RYR3: variants seen among roughly 807,000 people sequenced by gnomAD.
RYR3 encodes the protein brain ryanodine receptor-calcium release channel.
RYR3 carries 207 observed loss-of-function variants against 584.3 expected under a neutral mutation model. That is an observed-to-expected ratio of 0.35 (90% CI 0.32 to 0.40). RYR3 has a LOEUF of 0.40. Ranked by LOEUF, RYR3 falls within the 10% of genes least tolerant of loss-of-function variation. The pLI is 1.00. For missense variants in RYR3, 5,616 were observed against 6,089.2 expected (o/e 0.92, Z 2.59); for synonymous variants, 2,416 against 2,248.5 (o/e 1.07, Z -2.11).
chr15:33,777,542 A>G (rs2074074954), intron 64 of RYR3, among the ~76,000 whole-genome samples: 1 of 151,970 alleles, frequency 6.6e-6, no homozygotes, highest in African/African-American at 2.4e-5. Flanking sequence ...TATTTCTTAT[A>G]AGAAGCTACT....
chr15:33,759,819 G>A (rs144972535), intron 60 of RYR3, among the ~76,000 whole-genome samples: 1 of 152,076 alleles, frequency 6.6e-6, no homozygotes. Flanking sequence ...TCCTTGAGAA[G>A]AGCAACCCCA....
At position 33,659,815 on chromosome 15, in the gene RYR3, T is replaced by G. The variant is rs1402860901; in HGVS notation, c.4395+9T>G. Reference sequence around the variant, plus strand: ...AACTTGGAAAGCTGAAGGTATTTATTTGTCCTCTCATCTAATGGCCATGAC... The same window carrying G: ...AACTTGGAAAGCTGAAGGTATTTATGTGTCCTCTCATCTAATGGCCATGAC... On this transcript the variant is annotated intron_variant, in intron 33 of 103. Transcript: ENST00000634891. The G allele has an allele frequency of 3.8e-6, 6 of 1,577,362 alleles. No homozygotes were observed. The highest frequency in any genetic ancestry group is 4.4e-6 in the Non-Finnish European group (5 of 1,147,168).
At chr15:33,466,169 C>T (rs1303728510) in intron 1 of RYR3, among the ~76,000 whole-genome samples, 4 of 151,936 alleles carry the variant, frequency 2.6e-5, no homozygotes, top group Non-Finnish European at 5.9e-5. Context: ...GCCATGTAAC[C>T]AAATGGAATC....
chr15:33,507,999 C>T (rs2052622670), intron 3 of RYR3, among the ~76,000 whole-genome samples: 1 of 152,116 alleles, frequency 6.6e-6, no homozygotes, highest in Non-Finnish European at 1.5e-5. Flanking sequence ...GAAGGAGAGT[C>T]CTGTGCTACA....
intron 11 of RYR3, among the ~76,000 whole-genome samples, chr15:33,564,628 G>C (rs924590269): frequency 1.3e-5 from 2 of 152,128 alleles, no homozygotes; most frequent in African/African-American, 4.8e-5. Context: ...GGCAATGGCA[G>C]CATTTAAAGA....
chr15:33,430,064 A>C (rs1309010768), intron 1 of RYR3, among the ~76,000 whole-genome samples: 1 of 152,364 alleles, frequency 6.6e-6, no homozygotes, highest in South Asian at 2.1e-4. Context: ...TTTCCAGCCA[A>C]CATCAGCAAA....
intron 1 of RYR3, among the ~76,000 whole-genome samples, chr15:33,314,307 C>T (rs1475147281): frequency 2.6e-5 from 4 of 152,170 alleles, no homozygotes; most frequent in Non-Finnish European, 4.4e-5. Context: ...CTCTTGCTGA[C>T]GTAGCCAGTG....
chr15:33,676,422 A>G (rs561837901), intron 38 of RYR3, among the ~76,000 whole-genome samples: 4 of 152,314 alleles, frequency 2.6e-5, no homozygotes, highest in African/African-American at 9.6e-5. Flanking sequence ...CAGCAGCAAT[A>G]GAAAAGGTGG....
chr15:33,827,169 C>T, intron 84 of RYR3, 30 bp from the exon 85 acceptor site: 1 of 1,542,518 alleles, frequency 6.5e-7, no homozygotes, highest in Non-Finnish European at 8.8e-7. Context: ...ATGGCAGGGA[C>T]AAGCTCTGAC....
intron 38 of RYR3, 67 bp from the exon 39 acceptor site, chr15:33,696,151 G>T: frequency 6.8e-7 from 1 of 1,480,062 alleles, no homozygotes; most frequent in Non-Finnish European, 9.2e-7. Context: ...GCATGAAGTG[G>T]CTGAAACACC....
At chr15:33,382,903 A>C (rs1433868384) in intron 1 of RYR3, among the ~76,000 whole-genome samples, 2 of 151,876 alleles carry the variant, frequency 1.3e-5, no homozygotes, top group Non-Finnish European at 2.9e-5. Flanking sequence ...CTTTGGTAAT[A>C]TTTGAAATTT....
At chr15:33,563,424 G>T (rs1418034920) in intron 11 of RYR3, among the ~76,000 whole-genome samples, 1 of 152,166 alleles carries the variant, frequency 6.6e-6, no homozygotes, top group Non-Finnish European at 1.5e-5. Flanking sequence ...TAACAAGCCC[G>T]CAGGAACCCA....
chr15:33,614,663 G>A (rs1445933695), intron 19 of RYR3, among the ~76,000 whole-genome samples: 1 of 151,846 alleles, frequency 6.6e-6, no homozygotes, highest in Non-Finnish European at 1.5e-5. Context: ...TGGATATACT[G>A]ACTTTATATA....
chr15:33,772,253 G>C, intron 63 of RYR3, 95 bp downstream of exon 63: 1 of 686,054 alleles, frequency 1.5e-6, no homozygotes, highest in African/African-American at 1.8e-5. Flanking sequence ...TGAGGGCAGA[G>C]CAGAGAGAGA....
chr15:33,353,107 C>T (rs1295772850), intron 1 of RYR3, among the ~76,000 whole-genome samples: 3 of 152,116 alleles, frequency 2.0e-5, no homozygotes, highest in Admixed American at 1.3e-4. Context: ...TTCCTCTTCT[C>T]TAAGGTATAT....
intron 43 of RYR3, among the ~76,000 whole-genome samples, chr15:33,708,737 G>A (rs2066891793): frequency 6.6e-6 from 1 of 152,178 alleles, no homozygotes; most frequent in Non-Finnish European, 1.5e-5. Flanking sequence ...TTCTCAGCAA[G>A]GCAAGGTACT....
intron 36 of RYR3, among the ~76,000 whole-genome samples, chr15:33,666,043 C>T (rs2063476999): frequency 6.6e-6 from 1 of 152,152 alleles, no homozygotes; most frequent in South Asian, 2.1e-4. Flanking sequence ...CTCACTCTGT[C>T]ATGCAGGCTG....
chr15:33,863,769 TTA>T (rs1165757391), intron 102 of RYR3, among the ~76,000 whole-genome samples: 1 of 152,226 alleles, frequency 6.6e-6, no homozygotes, highest in Non-Finnish European at 1.5e-5. Context: ...TTCTACATTT[TTA>T]TGAGATGATA....
At chr15:33,331,949 G>A (rs1282969861) in intron 1 of RYR3, among the ~76,000 whole-genome samples, 1 of 151,910 alleles carries the variant, frequency 6.6e-6, no homozygotes, top group Non-Finnish European at 1.5e-5. Flanking sequence ...TTTTATCATT[G>A]TAGGAGGGTA....
Sources: gnomAD v4.1 joint callset for allele counts (sites outside exome capture counted in the v4.1 genomes callset) on GRCh38, gnomAD v4.1.1 for gene constraint, MANE v1.5 for transcripts, NCBI Gene and HGNC (gene_info 2026-07-23, HGNC 2026-07-21) for gene names.